Variants in DPYSL3 observed in about 807,000 individuals in gnomAD.
DPYSL3 encodes the protein dihydropyrimidinase like 3.
In DPYSL3, 16 loss-of-function variants were observed where a neutral mutation model predicts 66.1. The ratio of observed to expected loss-of-function variants is 0.24; its 90% confidence interval spans 0.16 to 0.37. DPYSL3 has a LOEUF of 0.37. Ranked by LOEUF, DPYSL3 falls within the 10% of genes least tolerant of loss-of-function variation. The pLI is 1.00. For synonymous variants in DPYSL3, 338 were observed against 345.1 expected (o/e 0.98, Z 0.23); for missense variants, 738 against 916.2 (o/e 0.81, Z 2.51).
At chr5:147,410,424 A>G (rs541547893) in intron 6 of DPYSL3, among the ~76,000 whole-genome samples, 22 of 152,310 alleles carry the variant, frequency 1.4e-4, no homozygotes, top group African/African-American at 5.3e-4. Context: ...TGATGTCCCT[A>G]TAGCTGAGAG....
At chr5:147,484,339 G>A (rs1176243222) in intron 1 of DPYSL3, among the ~76,000 whole-genome samples, 3 of 152,202 alleles carry the variant, frequency 2.0e-5, no homozygotes, top group African/African-American at 7.2e-5. Context: ...CAGGGAGGGT[G>A]TAATCCTGTG....
Position 147,445,070 on chromosome 5 carries a change from A to G in DPYSL3, c.382-20107T>C, listed in dbSNP as rs187230783. On this transcript the variant is annotated intron_variant, in intron 1 of 13. Transcript: ENST00000343218. ...GAGTCATGGTGACAGTTTCCTCTAT[A>G]TGAAAGACGACATAAAGGTCTGCAT... 1.6e-4 allele frequency among the ~76,000 whole-genome samples: 25 copies of G among 152,322 alleles called. No individual in the cohort carries two copies. In the East Asian group the frequency reaches 4.8e-3, roughly 29 times the overall value.
intron 1 of DPYSL3, among the ~76,000 whole-genome samples, chr5:147,495,292 T>C (rs1753483196): frequency 1.3e-5 from 2 of 152,160 alleles, no homozygotes; most frequent in South Asian, 2.1e-4. Context: ...GCCAATATCA[T>C]ACTGAATGGG....
intron 1 of DPYSL3, among the ~76,000 whole-genome samples, chr5:147,452,655 G>A (rs1180510004): frequency 6.6e-6 from 1 of 152,076 alleles, no homozygotes; most frequent in Non-Finnish European, 1.5e-5. Flanking sequence ...GTGAAGACGC[G>A]GCTTCTGTAC....
chr5:147,494,746 A>C (rs988296860), intron 1 of DPYSL3, among the ~76,000 whole-genome samples: 1 of 148,814 alleles, frequency 6.7e-6, no homozygotes, highest in Admixed American at 6.7e-5. Flanking sequence ...GGGCATGGTG[A>C]TAGGCGCCTG....
At chr5:147,491,479 G>A (rs1481685851) in intron 1 of DPYSL3, among the ~76,000 whole-genome samples, 1 of 152,166 alleles carries the variant, frequency 6.6e-6, no homozygotes, top group Non-Finnish European at 1.5e-5. Flanking sequence ...AGGAATGTTG[G>A]AATGATCAAA....
At chr5:147,406,007 C>A in intron 7 of DPYSL3, 1 of 261,960 alleles carries the variant, frequency 3.8e-6, no homozygotes, top group South Asian at 1.1e-4. Flanking sequence ...AGTACTTTTT[C>A]CTTAGCCTCT....
At chr5:147,444,946 G>A (rs1752603738) in intron 1 of DPYSL3, among the ~76,000 whole-genome samples, 1 of 151,710 alleles carries the variant, frequency 6.6e-6, no homozygotes, top group Non-Finnish European at 1.5e-5. Context: ...ATGCAGATTG[G>A]TCTATCTAGT....
intron 1 of DPYSL3, among the ~76,000 whole-genome samples, chr5:147,450,382 A>G (rs1752705351): frequency 1.3e-5 from 2 of 152,236 alleles, no homozygotes; most frequent in African/African-American, 4.8e-5. Context: ...ATCATTATGT[A>G]TCTGTAAACC....
chr5:147,397,928 A>C, intron 11 of DPYSL3, 83 bp from the exon 12 acceptor site: 3 of 1,361,144 alleles, frequency 2.2e-6, no homozygotes, highest in Non-Finnish European at 2.9e-6. Context: ...CTTCAGTGTC[A>C]TTTGCTGCTG....
chr5:147,422,968 T>A (rs1469706423), intron 2 of DPYSL3, among the ~76,000 whole-genome samples: 3 of 152,092 alleles, frequency 2.0e-5, no homozygotes, highest in Non-Finnish European at 2.9e-5. Context: ...AACCTGCACG[T>A]TCTGCACATG....
rs111900660 is a variant in DPYSL3, at chr5:147,499,316, T to C, written c.381+10162A>G. Among the ~76,000 whole-genome samples, 79 of 152,194 alleles carry C rather than the reference T, an allele frequency of 5.2e-4. 2 individuals are homozygous for C. The highest frequency in any genetic ancestry group is 1.9e-3 in the African/African-American group (78 of 41,530). ...TATAGCAAGGTTGCAGGATACAAAG[T>C]TAATATGCAAAAGTCACTTGCTTTC... On this transcript the variant is annotated intron_variant, in intron 1 of 13. Coordinates refer to ENST00000343218, the MANE Select transcript of DPYSL3 (RefSeq NM_001197294.2).
chr5:147,454,771 C>A (rs866014752), intron 1 of DPYSL3, among the ~76,000 whole-genome samples: 1 of 152,160 alleles, frequency 6.6e-6, no homozygotes, highest in African/African-American at 2.4e-5. Flanking sequence ...CAAGCAAAAC[C>A]ATGGCCCTTC....
chr5:147,424,146 C>T (rs1752144095), intron 2 of DPYSL3, among the ~76,000 whole-genome samples: 1 of 152,162 alleles, frequency 6.6e-6, no homozygotes, highest in African/African-American at 2.4e-5. Flanking sequence ...AGCAAGAGAT[C>T]TCTTGTAACC....
chr5:147,406,500 G>A (rs1459776757), intron 7 of DPYSL3, among the ~76,000 whole-genome samples: 2 of 152,120 alleles, frequency 1.3e-5, no homozygotes, highest in Admixed American at 6.5e-5. Context: ...GTAAATTGAG[G>A]ATAATAGGAT....
At chr5:147,422,363 A>G (rs9885115) in intron 2 of DPYSL3, among the ~76,000 whole-genome samples, 88,381 of 152,050 alleles carry the variant, frequency 0.58, 28,009 homozygotes, top group African/African-American at 0.82. Flanking sequence ...AGATGCTGGA[A>G]AGGATTTGGA....
chr5:147,506,612 T>C (rs1402246046), intron 1 of DPYSL3, among the ~76,000 whole-genome samples: 2 of 152,070 alleles, frequency 1.3e-5, no homozygotes, highest in Admixed American at 1.3e-4. Flanking sequence ...CTAGGAATAA[T>C]AAGGGTAAGA....
intron 1 of DPYSL3, among the ~76,000 whole-genome samples, chr5:147,473,800 G>A (rs1753117308): frequency 1.3e-5 from 2 of 151,826 alleles, no homozygotes; most frequent in Admixed American, 6.6e-5. Flanking sequence ...TAAACCTTGG[G>A]GACCTTTCTG....
chr5:147,502,789 G>T (rs934963642), intron 1 of DPYSL3, among the ~76,000 whole-genome samples: 5 of 151,992 alleles, frequency 3.3e-5, no homozygotes, highest in Admixed American at 3.3e-4. Context: ...TGTTAGCCAG[G>T]ATGATCTCGA....
Sources: allele counts gnomAD v4.1 joint callset (sites outside exome capture counted in the v4.1 genomes callset), GRCh38; gene constraint gnomAD v4.1.1; transcripts MANE v1.5; gene names NCBI Gene and HGNC (gene_info 2026-07-23, HGNC 2026-07-21).